LPAR1: variants seen among roughly 807,000 people sequenced by gnomAD.
LPAR1 encodes lysophosphatidic acid receptor 1, also known as LPA receptor 1.
In LPAR1, 5 loss-of-function variants were observed where a neutral mutation model predicts 23.8. The observed-to-expected ratio is 0.21, with a 90% CI of 0.11 to 0.44. The LOEUF is 0.44. LPAR1 is among the 20% of genes least tolerant of loss of function. The pLI is 0.99. For missense variants in LPAR1, 311 were observed against 482.8 expected, an observed-to-expected ratio of 0.64 and a Z score of 3.33; for synonymous variants, 160 against 164.7, an observed-to-expected ratio of 0.97 and a Z score of 0.22.
chr9:110,940,690 T>C (rs560841865), intron 5 of LPAR1, among the ~76,000 whole-genome samples: 7 of 152,330 alleles, frequency 4.6e-5, no homozygotes, highest in Admixed American at 3.3e-4. Context: ...TAGAACATAG[T>C]AGGTGCTCTT....
intron 5 of LPAR1, among the ~76,000 whole-genome samples, chr9:110,889,307 G>A (rs1304011565): frequency 1.3e-5 from 2 of 152,098 alleles, no homozygotes; most frequent in Non-Finnish European, 2.9e-5. Flanking sequence ...GCAGTGAGCC[G>A]AGATTGTACC....
intron 5 of LPAR1, among the ~76,000 whole-genome samples, chr9:110,936,210 C>G (rs1482487991): frequency 2.6e-5 from 4 of 152,174 alleles, no homozygotes; most frequent in African/African-American, 9.7e-5. Flanking sequence ...AATTTTTTCT[C>G]TTATCCCTTA....
chr9:111,034,459 C>T (rs989844079), intron 2 of LPAR1, among the ~76,000 whole-genome samples: 1 of 152,118 alleles, frequency 6.6e-6, no homozygotes, highest in African/African-American at 2.4e-5. Context: ...GACTTCAACC[C>T]CACATGTTCA....
At chr9:110,896,223 G>A (rs1434651579) in intron 5 of LPAR1, among the ~76,000 whole-genome samples, 1 of 152,054 alleles carries the variant, frequency 6.6e-6, no homozygotes, top group Non-Finnish European at 1.5e-5. Context: ...GTACTTTCTA[G>A]GGCCCTCATT....
At chr9:110,968,910 CT>C (rs1200676558) in intron 4 of LPAR1, among the ~76,000 whole-genome samples, 5 of 152,092 alleles carry the variant, frequency 3.3e-5, no homozygotes, top group Non-Finnish European at 5.9e-5. Flanking sequence ...TAATGCTATG[CT>C]CATTCCGTGG....
At chr9:110,892,146 A>C (rs1338366381) in intron 5 of LPAR1, among the ~76,000 whole-genome samples, 2 of 152,228 alleles carry the variant, frequency 1.3e-5, no homozygotes, top group African/African-American at 4.8e-5. Flanking sequence ...AAGTCCATCC[A>C]CAAATCAACA....
Position 110,901,803 on chromosome 9 carries a change from C to T in LPAR1, c.794-26081G>A, listed in dbSNP as rs138546087. On this transcript the variant is annotated intron_variant, in intron 5 of 5. Coordinates refer to ENST00000683809, the MANE Select transcript of LPAR1 (RefSeq NM_001351411.2). ...GCATTTCAGTTTTGTTTACAGGGAA[C>T]TATGAAAGGTAGAAAAATAGAGAAC... 3.6e-3 allele frequency among the ~76,000 whole-genome samples: 552 copies of T among 152,174 alleles called. 2 individuals carry two copies. Among genetic ancestry groups the T allele is most frequent in the African/African-American group, 0.012 (514 of 41,520 alleles).
intron 5 of LPAR1, among the ~76,000 whole-genome samples, chr9:110,940,817 G>T (rs886092846): frequency 1.3e-5 from 2 of 152,142 alleles, no homozygotes; most frequent in African/African-American, 4.8e-5. Flanking sequence ...TACAAATCTT[G>T]CTCTTCACCT....
Position 110,972,213 on chromosome 9 carries a change from C to T in LPAR1, c.-96G>A, listed in dbSNP as rs1481172894. 3.7e-6 allele frequency: 4 copies of T among 1,074,246 alleles called. No individual in the cohort carries two copies. In the South Asian group the frequency reaches 5.2e-5, roughly 14 times the overall value. The allele number at this position is 1,074,246 out of a possible 1,614,324, so 66.5% of individuals were successfully genotyped here. On this transcript the variant is annotated 5_prime_UTR_variant, in exon 4 of 6. Coordinates refer to ENST00000683809, the MANE Select transcript of LPAR1 (RefSeq NM_001351411.2). ...CAGATCGAAGTCATGCTAGGAGAAG[C>T]TGTGTACCTGGAAAACAACAGGAAA...
intron 2 of LPAR1, among the ~76,000 whole-genome samples, chr9:111,018,002 A>G (rs2097489208): frequency 6.6e-6 from 1 of 152,160 alleles, no homozygotes; most frequent in Non-Finnish European, 1.5e-5. Context: ...CTGGCGACAG[A>G]GCAAGACTCT....
chr9:110,931,071 A>G (rs1236002911), intron 5 of LPAR1, among the ~76,000 whole-genome samples: 1 of 152,238 alleles, frequency 6.6e-6, no homozygotes, highest in Non-Finnish European at 1.5e-5. Flanking sequence ...TAGCTAAGTG[A>G]AATACTAATT....
chr9:110,948,965 T>G (rs1403027414), intron 4 of LPAR1, among the ~76,000 whole-genome samples: 1 of 151,672 alleles, frequency 6.6e-6, no homozygotes, highest in African/African-American at 2.4e-5. Context: ...CAAGGAAGTT[T>G]TGTCAAGCTC....
intron 2 of LPAR1, among the ~76,000 whole-genome samples, chr9:111,012,174 C>A (rs948389621): frequency 2.6e-5 from 4 of 152,100 alleles, no homozygotes; most frequent in African/African-American, 7.2e-5. Flanking sequence ...TTGCTTGAGC[C>A]TAGGAGTTCA....
chr9:111,038,495 A>G (rs1316757001), upstream of LPAR1: 2 of 398,130 alleles, frequency 5.0e-6, no homozygotes, highest in African/African-American at 4.3e-5. This position sits in a 1 kb window ranked among gnomAD's most constrained non-coding sequence, Gnocchi z 4.4. Context: ...CGCTGGCAGG[A>G]GGAGGGGGCG....
At chr9:111,033,536 C>CTTCTTT (rs758328255) in intron 2 of LPAR1, among the ~76,000 whole-genome samples, 227 of 152,172 alleles carry the variant, frequency 1.5e-3, no homozygotes, top group African/African-American at 5.1e-3. Context: ...ATTCAGCCAC[C>CTTCTTT]TTCTTTTTCT....
intron 2 of LPAR1, among the ~76,000 whole-genome samples, chr9:111,024,129 CT>C (rs948724018): frequency 6.7e-4 from 102 of 152,154 alleles, no homozygotes; most frequent in African/African-American, 2.5e-3. Flanking sequence ...CATACCACAC[CT>C]TTTGAACTTC....
Position 110,875,576 on chromosome 9 carries a change from G to C in LPAR1, c.940C>G (p.Arg314Gly). 6.2e-7 allele frequency: 1 copy of C among 1,614,042 alleles called. No homozygotes were observed. Residue 314 changes from arginine (R) to glycine (G), a missense_variant, in exon 6 of 6, where the codon CGC becomes GGC. Coordinates refer to ENST00000683809, the MANE Select transcript of LPAR1 (RefSeq NM_001351411.2). ...AAGGTGGCGCTCATTTCTTTGTCGC[G>C]GTAGGAGTAAATGATGGGGTTCATG... ...SAMNPIIYSY[R>G]DKEMSATFRQ...
intron 5 of LPAR1, among the ~76,000 whole-genome samples, chr9:110,918,279 T>C (rs1054841345): frequency 2.0e-5 from 3 of 152,188 alleles, no homozygotes; most frequent in African/African-American, 7.2e-5. Context: ...TGTACACTTC[T>C]GTAAGACTGT....
chr9:110,932,089 T>C lies in LPAR1; in HGVS notation c.793+9332A>G, dbSNP rs375652847. Among the ~76,000 whole-genome samples the C allele has an allele frequency of 5.3e-4, 80 of 152,314 alleles. No individual in the cohort carries two copies. In the Middle Eastern group the frequency reaches 0.01, roughly 19 times the overall value. ...TTAATTATAACGACCTTATGGCAAA[T>C]ATCCCTTTGAATGAGATCCACTATC... On this transcript the variant is annotated intron_variant, in intron 5 of 5. Coordinates refer to ENST00000683809, the MANE Select transcript of LPAR1 (RefSeq NM_001351411.2).
Sources: allele counts gnomAD v4.1 joint callset (sites outside exome capture counted in the v4.1 genomes callset), GRCh38; gene constraint gnomAD v4.1.1; non-coding constraint Gnocchi (gnomAD v3.1); transcripts MANE v1.5; gene names NCBI Gene and HGNC (gene_info 2026-07-23, HGNC 2026-07-21).